ESRRG: variants seen among roughly 807,000 people sequenced by gnomAD.
ESRRG encodes the protein estrogen-related receptor gamma.
A neutral mutation model predicts 44.0 loss-of-function variants in ESRRG; 13 were observed. That is an observed-to-expected ratio of 0.30 (90% CI 0.19 to 0.47). The LOEUF (loss-of-function observed/expected upper bound fraction) is 0.47. ESRRG is among the 20% of genes least tolerant of loss of function. ESRRG has a pLI of 1.00. For synonymous variants in ESRRG, 215 were observed against 214.6 expected, an observed-to-expected ratio of 1.00 and a Z score of -0.02; for missense variants, 395 against 580.6, an observed-to-expected ratio of 0.68 and a Z score of 3.29.
At chr1:217,038,660 C>T (rs555382987) in intron 1 of ESRRG, among the ~76,000 whole-genome samples, 19 of 152,290 alleles carry the variant, frequency 1.2e-4, no homozygotes, top group African/African-American at 4.3e-4. Flanking sequence ...GGCCAGGAAG[C>T]CATCTTTTCT....
At position 216,588,402 on chromosome 1, in the gene ESRRG, A is replaced by G. The variant is rs1231653690; in HGVS notation, c.590-20304T>C. Among the ~76,000 whole-genome samples, 6 of 152,344 alleles carry G rather than the reference A, an allele frequency of 3.9e-5. No homozygotes were observed. The South Asian group carries it at 8.3e-4, about 21-fold the overall frequency. ...AGCCAAGGCAATCTGGACTGTTTTT[A>G]TTAATAAATTTAACTCTGGCATTAT... On this transcript the variant is annotated intron_variant, in intron 3 of 6. Transcript: ENST00000408911.
chr1:217,072,183 C>A (rs1020352953), intron 1 of ESRRG, among the ~76,000 whole-genome samples: 9 of 152,208 alleles, frequency 5.9e-5, no homozygotes, highest in African/African-American at 2.2e-4. Flanking sequence ...GCAGTATGTG[C>A]ATGTCACCCG....
At chr1:216,676,005 A>G (rs2076041592) in intron 2 of ESRRG, among the ~76,000 whole-genome samples, 1 of 152,158 alleles carries the variant, frequency 6.6e-6, no homozygotes, top group Non-Finnish European at 1.5e-5. Context: ...AGAACCACTG[A>G]TATGTGGGAA....
chr1:216,582,843 T>C (rs1387593048), intron 3 of ESRRG, among the ~76,000 whole-genome samples: 1 of 152,192 alleles, frequency 6.6e-6, no homozygotes, highest in Non-Finnish European at 1.5e-5. Flanking sequence ...AAAAGGATCC[T>C]AAATGCTTTT....
chr1:216,933,290 T>C (rs1378870982), intron 2 of ESRRG, among the ~76,000 whole-genome samples: 2 of 152,182 alleles, frequency 1.3e-5, no homozygotes, highest in East Asian at 1.9e-4. Flanking sequence ...CTATAAACCA[T>C]TGGCCTAATT....
At chr1:216,524,215 TTATATATATATATACA>T (rs986183440) in intron 5 of ESRRG, among the ~76,000 whole-genome samples, 1 of 143,392 alleles carries the variant, frequency 7.0e-6, no homozygotes, top group Non-Finnish European at 1.5e-5. Flanking sequence ...GTAGGAAACT[TTATATATATATATACA>T]TATATATATA....
chr1:216,661,290 A>C (rs1373769128), intron 2 of ESRRG, among the ~76,000 whole-genome samples: 2 of 152,182 alleles, frequency 1.3e-5, no homozygotes, highest in Admixed American at 6.6e-5. Flanking sequence ...CAAGAAATAT[A>C]TAATGTCTGA....
At chr1:216,766,200 C>A (rs1312776710) in intron 2 of ESRRG, among the ~76,000 whole-genome samples, 1 of 152,034 alleles carries the variant, frequency 6.6e-6, no homozygotes, top group African/African-American at 2.4e-5. Context: ...CTCTCTTTTT[C>A]TCCACTTTCT....
chr1:216,792,350 T>A (rs953268936), intron 2 of ESRRG, among the ~76,000 whole-genome samples: 14 of 152,168 alleles, frequency 9.2e-5, no homozygotes, highest in Non-Finnish European at 1.9e-4. Flanking sequence ...CCAACATAAT[T>A]TATTCTTCCT....
chr1:217,080,637 G>T (rs867256821), intron 1 of ESRRG, among the ~76,000 whole-genome samples: 12 of 129,482 alleles, frequency 9.3e-5, no homozygotes, highest in Middle Eastern at 4.2e-3. Context: ...GTGTTTTTTT[G>T]TTTGTTTGTT....
At chr1:216,870,549 C>T (rs2096245783) in intron 2 of ESRRG, among the ~76,000 whole-genome samples, 1 of 151,880 alleles carries the variant, frequency 6.6e-6, no homozygotes, top group South Asian at 2.1e-4. Context: ...TCATTCTTCA[C>T]CTATTTTCTG....
intron 2 of ESRRG, among the ~76,000 whole-genome samples, chr1:216,741,420 A>G (rs956635404): frequency 4.9e-5 from 7 of 142,284 alleles, no homozygotes; most frequent in Non-Finnish European, 1.1e-4. Flanking sequence ...CCTTTCTAAC[A>G]CTCCCCCCCG....
upstream of ESRRG, among the ~76,000 whole-genome samples, chr1:217,091,500 C>T (rs1368740622): frequency 1.5e-4 from 23 of 152,274 alleles, no homozygotes; most frequent in Non-Finnish European, 8.8e-5. Flanking sequence ...TTCGCAAATT[C>T]CACAGGGAAG....
At chr1:216,638,012 GA>G (rs201520508) in intron 3 of ESRRG, among the ~76,000 whole-genome samples, 21 of 149,730 alleles carry the variant, frequency 1.4e-4, no homozygotes, top group South Asian at 6.3e-4. Flanking sequence ...GATTTAAAAA[GA>G]AAAAAAAAGT....
At chr1:216,536,418 T>C (rs2050984665) in intron 5 of ESRRG, among the ~76,000 whole-genome samples, 3 of 152,158 alleles carry the variant, frequency 2.0e-5, no homozygotes. Flanking sequence ...TTGACTTCTA[T>C]GTCTAATTTT....
intron 1 of ESRRG, among the ~76,000 whole-genome samples, chr1:216,998,569 C>G (rs926051632): frequency 3.3e-5 from 5 of 152,130 alleles, no homozygotes; most frequent in African/African-American, 1.2e-4. Context: ...TTAATTATCC[C>G]TACATAATTT....
chr1:216,858,672 C>T (rs975653073), intron 2 of ESRRG, among the ~76,000 whole-genome samples: 1 of 152,086 alleles, frequency 6.6e-6, no homozygotes, highest in African/African-American at 2.4e-5. Flanking sequence ...CAGGGATGAT[C>T]GTTCTCTGAT....
chr1:216,519,094 G>A (rs2045279682), intron 6 of ESRRG, 58 bp downstream of exon 6: 2 of 1,480,680 alleles, frequency 1.4e-6, no homozygotes. Flanking sequence ...AAGTTAAGGA[G>A]AGGGGTAAAA....
chr1:217,056,010 G>C (rs1433781556), intron 1 of ESRRG, among the ~76,000 whole-genome samples: 1 of 152,060 alleles, frequency 6.6e-6, no homozygotes, highest in African/African-American at 2.4e-5. Flanking sequence ...TTCCCTTGCT[G>C]TCAGGTAGGT....
Sources: gnomAD v4.1 joint callset for allele counts (sites outside exome capture counted in the v4.1 genomes callset) on GRCh38, gnomAD v4.1.1 for gene constraint, MANE v1.5 for transcripts, NCBI Gene and HGNC (gene_info 2026-07-23, HGNC 2026-07-21) for gene names.